HP1BP3: variants seen among roughly 807,000 people sequenced by gnomAD.
HP1BP3 encodes heterochromatin protein 1-binding protein 3.
HP1BP3 carries 12 observed loss-of-function variants against 62.5 expected under a neutral mutation model. The ratio of observed to expected loss-of-function variants is 0.19; its 90% CI spans 0.12 to 0.31. The LOEUF is 0.31. HP1BP3 is among the 10% of genes least tolerant of loss of function. The pLI is 1.00. For synonymous variants in HP1BP3, 260 were observed against 237.8 expected, an observed-to-expected ratio of 1.09 and a Z score of -0.86; for missense variants, 502 against 651.8, an observed-to-expected ratio of 0.77 and a Z score of 2.50.
rs1570554369 is a variant in HP1BP3 at position 20,750,155 on chromosome 1, T to C, written c.982-273A>G. 4 of 371,608 alleles carry C rather than the reference T, an allele frequency of 1.1e-5. No individual in the cohort carries two copies. The East Asian group carries it at 2.5e-4, about 23-fold the overall frequency. 23.0% of individuals were successfully genotyped at this position (371,608 alleles called of 1,614,324 possible). The stretch of plus-strand genomic sequence containing the variant: ...CCTAACCCAAAGATACTGACAACTG[T>C]ACCCAATAAGCAGGTTAACCAGTTA... On this transcript the variant is annotated intron_variant, in intron 9 of 12. Transcript: ENST00000438032.
At chr1:20,779,208 G>C (rs2057434771) in intron 3 of HP1BP3, among the ~76,000 whole-genome samples, 1 of 151,920 alleles carries the variant, frequency 6.6e-6, no homozygotes, top group African/African-American at 2.4e-5. Context: ...AAGGAAAAAA[G>C]GGAAAAGATA....
chr1:20,752,230 C>T (rs1376964691), intron 9 of HP1BP3, among the ~76,000 whole-genome samples: 2 of 152,008 alleles, frequency 1.3e-5, no homozygotes, highest in African/African-American at 2.4e-5. Flanking sequence ...CCACTGTACT[C>T]ACTGCAACAA....
In HP1BP3 at chr1:20,745,484, A is replaced by C. The variant is rs896048821; in HGVS notation, c.1367+59T>G. The C allele has an allele frequency of 3.2e-6, 5 of 1,576,144 alleles. No homozygotes were observed. The East Asian group carries it at 1.1e-4, about 35-fold the overall frequency. On this transcript the variant is annotated intron_variant, in intron 12 of 12. Transcript: ENST00000438032. ...TAGCTTTAGCCCCTCCTATAGCACT[A>C]TTTTTCAGCTCTGAGGTATTTAGTG...
intron 4 of HP1BP3, 27 bp from the exon 5 acceptor site, chr1:20,773,637 G>C (rs1176068864): frequency 1.3e-6 from 2 of 1,481,946 alleles, no homozygotes; most frequent in African/African-American, 2.8e-5. Context: ...TGTTATTATA[G>C]AAGATAAGCT....
At position 20,777,268 on chromosome 1, in the gene HP1BP3, G is replaced by T. The variant is rs112224845; in HGVS notation, c.197-518C>A. On this transcript the variant is annotated intron_variant, in intron 3 of 12. Coordinates refer to ENST00000438032, the MANE Select transcript of HP1BP3 (RefSeq NM_001372052.1). ...AGGCACTGGTTATGCAGGGACTTCA[G>T]AGAACTCCAAAAAAAAATAAAAATA... 6.4e-3 allele frequency among the ~76,000 whole-genome samples: 954 copies of T among 149,072 alleles called. 11 individuals carry two copies. The highest frequency in any genetic ancestry group is 0.023 in the African/African-American group (920 of 40,470).
chr1:20,758,934 T>C (rs1366327721), intron 8 of HP1BP3, among the ~76,000 whole-genome samples: 1 of 152,030 alleles, frequency 6.6e-6, no homozygotes, highest in African/African-American at 2.4e-5. Context: ...ATTACACATG[T>C]GAACCGCAGC....
At chr1:20,783,573 G>GCT (rs542885698) in intron 1 of HP1BP3, among the ~76,000 whole-genome samples, 31 of 151,290 alleles carry the variant, frequency 2.0e-4, no homozygotes, top group Non-Finnish European at 3.7e-4. Context: ...AGATGTTAGA[G>GCT]CTCTGCATTT....
At chr1:20,755,512 T>G in intron 9 of HP1BP3, 1 of 344,804 alleles carries the variant, frequency 2.9e-6, no homozygotes, top group South Asian at 2.1e-5. Context: ...GAGGTGGAGG[T>G]TGCAGTGAGC....
chr1:20,752,057 C>T (rs927324357), intron 9 of HP1BP3, among the ~76,000 whole-genome samples: 2 of 151,810 alleles, frequency 1.3e-5, no homozygotes, highest in Non-Finnish European at 2.9e-5. Context: ...GTCAGGAGCT[C>T]AAGACCAGCC....
At chr1:20,773,133 T>C (rs1273524575) in intron 5 of HP1BP3, among the ~76,000 whole-genome samples, 1 of 152,212 alleles carries the variant, frequency 6.6e-6, no homozygotes, top group Non-Finnish European at 1.5e-5. Flanking sequence ...CAGAGGAAGG[T>C]AGTCCTTAAA....
chr1:20,756,504 A>C (rs2056117646), intron 9 of HP1BP3, among the ~76,000 whole-genome samples: 1 of 152,106 alleles, frequency 6.6e-6, no homozygotes, highest in Non-Finnish European at 1.5e-5. Flanking sequence ...TGGGAGATAG[A>C]GGCTACAGTG....
chr1:20,761,069 G>A (rs2056440421), intron 8 of HP1BP3, among the ~76,000 whole-genome samples: 1 of 152,056 alleles, frequency 6.6e-6, no homozygotes, highest in Admixed American at 6.6e-5. Context: ...TTTGGAGACG[G>A]AGCCTCACTC....
At chr1:20,782,310 G>T (rs756297734) in intron 1 of HP1BP3, among the ~76,000 whole-genome samples, 13 of 152,014 alleles carry the variant, frequency 8.6e-5, no homozygotes, top group Non-Finnish European at 1.8e-4. Context: ...CAGGCCAGGT[G>T]TGGTGGCTCA....
rs2055200050 is a variant in HP1BP3, at chr1:20,744,764, A to C, written c.*33T>G. ...CTGACCTTAGAAAATAAGATTTTGA[A>C]TTTCATCATGATACCCTTTTTTCCT... On this transcript the variant is annotated 3_prime_UTR_variant, in exon 13 of 13. Transcript: ENST00000438032. 1 of 1,546,296 alleles carries C rather than the reference A, an allele frequency of 6.5e-7. No homozygotes were observed. Among genetic ancestry groups the C allele is most frequent in the African/African-American group, 1.4e-5 (1 of 71,990 alleles).
intron 9 of HP1BP3, among the ~76,000 whole-genome samples, chr1:20,754,397 G>A (rs1382392017): frequency 4.0e-5 from 6 of 151,864 alleles, no homozygotes; most frequent in Admixed American, 3.9e-4. Context: ...ACTCAACGTT[G>A]TTGACAGTGA....
At chr1:20,769,240 C>A (rs2056938890) in intron 6 of HP1BP3, among the ~76,000 whole-genome samples, 1 of 152,102 alleles carries the variant, frequency 6.6e-6, no homozygotes, top group Admixed American at 6.6e-5. Context: ...GAGGCATGCA[C>A]CCCTACATTT....
intron 5 of HP1BP3, among the ~76,000 whole-genome samples, chr1:20,772,198 GA>G (rs1362059087): frequency 3.3e-5 from 5 of 152,184 alleles, no homozygotes; most frequent in Non-Finnish European, 5.9e-5. Context: ...GTTCAATACA[GA>G]AAATGGTATC....
At chr1:20,762,730 C>T (rs988474751) in intron 8 of HP1BP3, among the ~76,000 whole-genome samples, 5 of 152,162 alleles carry the variant, frequency 3.3e-5, no homozygotes, top group Admixed American at 6.5e-5. Flanking sequence ...AACCAACATA[C>T]ACCTTACATA....
intron 5 of HP1BP3, 26 bp from the exon 6 acceptor site, chr1:20,771,099 GTTTT>G: frequency 1.3e-6 from 2 of 1,538,680 alleles, no homozygotes; most frequent in Non-Finnish European, 1.8e-6. Context: ...TAAACTAGTT[GTTTT>G]TTTTTATTAG....
Sources: allele counts gnomAD v4.1 joint callset (sites outside exome capture counted in the v4.1 genomes callset), GRCh38; gene constraint gnomAD v4.1.1; transcripts MANE v1.5; gene names NCBI Gene and HGNC (gene_info 2026-07-23, HGNC 2026-07-21).